STRBP: variants seen among roughly 807,000 people sequenced by gnomAD.
The protein encoded by STRBP is spermatid perinuclear RNA binding protein.
A neutral mutation model predicts 80.1 loss-of-function variants in STRBP; 13 were observed. The ratio of observed to expected loss-of-function variants is 0.16; its 90% CI spans 0.11 to 0.26. The LOEUF (loss-of-function observed/expected upper bound fraction) is 0.26, where lower values mean the gene tolerates loss of function less well. Among genes scored for constraint, STRBP ranks in the 10% least tolerant of loss-of-function variants. The pLI is 1.00. For synonymous variants in STRBP, 284 were observed against 291.2 expected (o/e 0.98, Z 0.25); for missense variants, 485 against 815.2 (o/e 0.59, Z 4.93).
intron 2 of STRBP, among the ~76,000 whole-genome samples, chr9:123,234,302 A>T (rs2040487243): frequency 1.3e-5 from 2 of 151,994 alleles, no homozygotes; most frequent in Non-Finnish European, 2.9e-5. Flanking sequence ...GCTAATTCAA[A>T]CCAGTTTTCT....
intron 1 of STRBP, among the ~76,000 whole-genome samples, chr9:123,244,640 A>G (rs566889122): frequency 8.1e-4 from 124 of 152,338 alleles, no homozygotes; most frequent in African/African-American, 2.8e-3. Context: ...CTTTCTCAAA[A>G]AATAGTATTG....
At chr9:123,161,956 G>A (rs916800709) in intron 6 of STRBP, among the ~76,000 whole-genome samples, 4 of 152,164 alleles carry the variant, frequency 2.6e-5, no homozygotes, top group African/African-American at 4.8e-5. Flanking sequence ...CACACAATAT[G>A]CAAATGCTTC....
At chr9:123,173,988 G>T in intron 4 of STRBP, 146 bp from the exon 5 acceptor site, 2 of 816,784 alleles carry the variant, frequency 2.4e-6, no homozygotes, top group Non-Finnish European at 3.7e-6. Context: ...TTAAGCCTCA[G>T]ATTTGAGGCT....
At chr9:123,128,964 C>A (rs1311597869) in intron 17 of STRBP, among the ~76,000 whole-genome samples, 1 of 152,296 alleles carries the variant, frequency 6.6e-6, no homozygotes, top group Non-Finnish European at 1.5e-5. Context: ...AGTTTTTATA[C>A]CATATTAGTA....
intron 2 of STRBP, among the ~76,000 whole-genome samples, chr9:123,235,293 GTT>G (rs201832130): frequency 1.4e-5 from 2 of 144,100 alleles, no homozygotes; most frequent in African/African-American, 5.1e-5. Flanking sequence ...TTTAATTTAG[GTT>G]TTTTTTTTTC....
At chr9:123,139,347 C>T (rs2036492664) in intron 14 of STRBP, among the ~76,000 whole-genome samples, 182 bp downstream of exon 14, 1 of 152,054 alleles carries the variant, frequency 6.6e-6, no homozygotes, top group African/African-American at 2.4e-5. Flanking sequence ...AGATGACTGC[C>T]TTCACAGAGA....
At chr9:123,224,788 T>C (rs926358152) in intron 2 of STRBP, among the ~76,000 whole-genome samples, 2 of 152,114 alleles carry the variant, frequency 1.3e-5, no homozygotes, top group Non-Finnish European at 2.9e-5. Context: ...GAAAAAAAGA[T>C]ACTTAAAACT....
chr9:123,258,527 G>C (rs1481733253), intron 1 of STRBP, among the ~76,000 whole-genome samples: 3 of 152,202 alleles, frequency 2.0e-5, no homozygotes, highest in African/African-American at 7.2e-5. Context: ...AAGAAGGCCA[G>C]GCGTGGTGGC....
intron 13 of STRBP, among the ~76,000 whole-genome samples, chr9:123,140,042 A>G (rs1425922030): frequency 2.6e-5 from 4 of 152,186 alleles, no homozygotes. Flanking sequence ...CATACTATAA[A>G]AAGTACCCTG....
At chr9:123,250,385 C>A (rs1431412058) in intron 1 of STRBP, among the ~76,000 whole-genome samples, 1 of 152,054 alleles carries the variant, frequency 6.6e-6, no homozygotes, top group Admixed American at 6.6e-5. Flanking sequence ...AGTTTATTAG[C>A]ATTTTTAAAT....
chr9:123,169,865 A>AAT (rs1411263035), intron 6 of STRBP, 37 bp downstream of exon 6: 7 of 1,116,052 alleles, frequency 6.3e-6, no homozygotes, highest in South Asian at 3.5e-5. Flanking sequence ...AACAACAACA[A>AAT]ATATATACAT....
chr9:123,223,853 G>A (rs2040152184), intron 2 of STRBP, among the ~76,000 whole-genome samples: 1 of 152,014 alleles, frequency 6.6e-6, no homozygotes, highest in Non-Finnish European at 1.5e-5. Context: ...TTTCTTTGCG[G>A]GATAAGCTCT....
intron 1 of STRBP, among the ~76,000 whole-genome samples, chr9:123,264,702 T>C (rs1308822853): frequency 6.6e-6 from 1 of 152,194 alleles, no homozygotes; most frequent in Non-Finnish European, 1.5e-5. Context: ...ACCCAATTAT[T>C]CAGCCTACAA....
At position 123,243,967 on chromosome 9, in the gene STRBP, C is replaced by A. The variant is rs560033215; in HGVS notation, c.-301-7001G>T. 2.6e-5 allele frequency among the ~76,000 whole-genome samples: 4 copies of A among 152,306 alleles called. No homozygotes were observed. In the South Asian group the frequency reaches 8.3e-4, roughly 32 times the overall value. ...ACTTACATCCACACAAAAGTCCACA[C>A]ACAAATGTTTATAGCAGTTCTGTTC... On this transcript the variant is annotated intron_variant, in intron 1 of 18. Coordinates refer to ENST00000348403, the MANE Select transcript of STRBP (RefSeq NM_018387.5).
At chr9:123,158,831 T>G (rs1264203332) in intron 9 of STRBP, among the ~76,000 whole-genome samples, 1 of 152,134 alleles carries the variant, frequency 6.6e-6, no homozygotes, top group Admixed American at 6.6e-5. Flanking sequence ...AATTTCAAAT[T>G]CAGAGTTCGA....
intron 1 of STRBP, among the ~76,000 whole-genome samples, chr9:123,255,782 T>C (rs2041015012): frequency 6.6e-6 from 1 of 152,152 alleles, no homozygotes; most frequent in African/African-American, 2.4e-5. Flanking sequence ...AGAATACTAA[T>C]TTTCTTTTTA....
At chr9:123,202,674 A>G (rs186762386) in intron 2 of STRBP, among the ~76,000 whole-genome samples, 1,588 of 152,270 alleles carry the variant, frequency 0.01, 7 homozygotes, top group Admixed American at 0.015. Context: ...TTTACTGTAC[A>G]TTTAAAAATA....
intron 2 of STRBP, among the ~76,000 whole-genome samples, chr9:123,199,981 C>A (rs1264757938): frequency 6.6e-6 from 1 of 152,148 alleles, no homozygotes; most frequent in Non-Finnish European, 1.5e-5. Context: ...TTTCCCCATT[C>A]CGTATGATGT....
chr9:123,226,269 A>T (rs1204934814), intron 2 of STRBP, among the ~76,000 whole-genome samples: 1 of 152,250 alleles, frequency 6.6e-6, no homozygotes, highest in Non-Finnish European at 1.5e-5. Flanking sequence ...AACGTTTTGT[A>T]GTAATGGATA....
Sources: allele counts gnomAD v4.1 joint callset (sites outside exome capture counted in the v4.1 genomes callset), GRCh38; gene constraint gnomAD v4.1.1; transcripts MANE v1.5; gene names NCBI Gene and HGNC (gene_info 2026-07-23, HGNC 2026-07-21).